Variants in SRGAP2 observed in about 807,000 individuals in gnomAD.
The protein encoded by SRGAP2 is SLIT-ROBO Rho GTPase-activating protein 2.
A neutral mutation model predicts 57.2 loss-of-function variants in SRGAP2; 15 were observed. The ratio of observed to expected loss-of-function variants is 0.26; its 90% CI spans 0.18 to 0.40. The LOEUF (loss-of-function observed/expected upper bound fraction) is 0.40, where lower values mean the gene tolerates loss of function less well. Among genes scored for constraint, SRGAP2 ranks in the 10% least tolerant of loss-of-function variants. The pLI is 1.00. For missense variants in SRGAP2, 520 were observed against 669.6 expected, an observed-to-expected ratio of 0.78 and a Z score of 2.47; for synonymous variants, 249 against 248.0, an observed-to-expected ratio of 1.00 and a Z score of -0.04.
At chr1:206,371,750 A>G (rs1558357515) in intron 4 of SRGAP2, among the ~76,000 whole-genome samples, 5 of 87,906 alleles carry the variant, frequency 5.7e-5, no homozygotes, top group African/African-American at 8.6e-5. Flanking sequence ...AAAGAAAAAA[A>G]ATATAGATCT....
chr1:206,430,054 C>T (rs923583800), intron 13 of SRGAP2, 108 bp from the exon 14 acceptor site: 35 of 718,204 alleles, frequency 4.9e-5, no homozygotes, highest in South Asian at 4.5e-4. Context: ...CTTTGTAGAC[C>T]GGCTGGTGAT....
intron 4 of SRGAP2, among the ~76,000 whole-genome samples, chr1:206,360,692 C>G (rs1403210223): frequency 6.6e-6 from 1 of 152,160 alleles, no homozygotes; most frequent in Non-Finnish European, 1.5e-5. Flanking sequence ...GCATTCTGGC[C>G]TGAACAATTC....
chr1:206,319,303 C>G (rs1178770864), intron 3 of SRGAP2, among the ~76,000 whole-genome samples: 1 of 148,386 alleles, frequency 6.7e-6, no homozygotes, highest in Non-Finnish European at 1.5e-5. Flanking sequence ...CCCACCTACT[C>G]AGGAGGCTGA....
chr1:206,222,767 A>G lies in SRGAP2; in HGVS notation c.67+16730A>G, dbSNP rs566653929. Among the ~76,000 whole-genome samples, 9 of 152,252 alleles carry G rather than the reference A, an allele frequency of 5.9e-5. No homozygotes were observed. In the South Asian group the frequency reaches 1.2e-3, roughly 21 times the overall value. ...GCATCTTACTCGGGAAGATATATGT[A>G]TATTTCTCTCCCTTTGGACTGATCA... On this transcript the variant is annotated intron_variant, in intron 2 of 22. Coordinates refer to ENST00000573034, the MANE Select transcript of SRGAP2 (RefSeq NM_015326.5).
intron 2 of SRGAP2, among the ~76,000 whole-genome samples, chr1:206,252,339 G>A (rs1260304506): frequency 2.0e-5 from 3 of 152,016 alleles, no homozygotes; most frequent in Non-Finnish European, 2.9e-5. Flanking sequence ...AAAGATATTA[G>A]CGCAGCTTTA....
At chr1:206,275,776 C>G (rs1670375645) in intron 2 of SRGAP2, among the ~76,000 whole-genome samples, 1 of 151,840 alleles carries the variant, frequency 6.6e-6, no homozygotes, top group Admixed American at 6.6e-5. Flanking sequence ...ATCGCCATGC[C>G]CAGCTAATTT....
At chr1:206,385,189 T>C (rs1481775080) in intron 5 of SRGAP2, among the ~76,000 whole-genome samples, 2 of 107,694 alleles carry the variant, frequency 1.9e-5, no homozygotes, top group Non-Finnish European at 3.5e-5. Flanking sequence ...TTTGAATTTC[T>C]ACTCTGTGAC....
intron 3 of SRGAP2, among the ~76,000 whole-genome samples, chr1:206,309,123 A>G (rs1183746817): frequency 6.9e-6 from 1 of 144,050 alleles, no homozygotes; most frequent in African/African-American, 2.7e-5. Flanking sequence ...CTATGACTGC[A>G]CCGCTGCACA....
At chr1:206,425,105 T>G (rs1279619499) in intron 13 of SRGAP2, among the ~76,000 whole-genome samples, 3 of 152,210 alleles carry the variant, frequency 2.0e-5, no homozygotes, top group Non-Finnish European at 2.9e-5. Flanking sequence ...CTCACACAAT[T>G]TGTTGAAGCC....
At chr1:206,416,465 T>C (rs1207824336) in intron 11 of SRGAP2, among the ~76,000 whole-genome samples, 4 of 152,216 alleles carry the variant, frequency 2.6e-5, no homozygotes, top group Non-Finnish European at 5.9e-5. Context: ...AGTTTCCTTC[T>C]GCTTTGAAAG....
intron 4 of SRGAP2, among the ~76,000 whole-genome samples, chr1:206,352,988 T>G (rs1336110497): frequency 1.3e-5 from 2 of 151,988 alleles, no homozygotes; most frequent in African/African-American, 4.8e-5. Flanking sequence ...TGCCCAGCCC[T>G]TCTTTATTTG....
At chr1:206,213,773 G>T (rs1666461167) in intron 2 of SRGAP2, among the ~76,000 whole-genome samples, 1 of 152,096 alleles carries the variant, frequency 6.6e-6, no homozygotes, top group African/African-American at 2.4e-5. Flanking sequence ...ACAAAAATTA[G>T]CTGGGCGTGG....
intron 21 of SRGAP2, 61 bp from the exon 22 acceptor site, chr1:206,458,562 T>A (rs1458828317): frequency 4.5e-6 from 3 of 671,506 alleles, no homozygotes; most frequent in Non-Finnish European, 8.3e-6. Flanking sequence ...CTCCCACTTA[T>A]CCTAGCTTCC....
chr1:206,342,696 G>C (rs1450099136), intron 3 of SRGAP2, 150 bp from the exon 4 acceptor site: 3 of 557,702 alleles, frequency 5.4e-6, no homozygotes, highest in Non-Finnish European at 6.5e-6. Context: ...TTTTAGAAAA[G>C]GAGAAAACTA....
At chr1:206,418,886 CTCTGTGTGTGTGTG>C (rs1303980633) in intron 11 of SRGAP2, among the ~76,000 whole-genome samples, 2 of 107,398 alleles carry the variant, frequency 1.9e-5, no homozygotes, top group African/African-American at 9.4e-5. Context: ...CTCCAACTCT[CTCTGTGTGTGTGTG>C]TGTGTGTGTG....
At chr1:206,310,545 C>T (rs1317257183) in intron 3 of SRGAP2, among the ~76,000 whole-genome samples, 1 of 152,196 alleles carries the variant, frequency 6.6e-6, no homozygotes, top group East Asian at 1.9e-4. Flanking sequence ...AAAGAGTCCA[C>T]GTAGCTGATG....
chr1:206,253,745 C>G (rs1351230502), intron 2 of SRGAP2, among the ~76,000 whole-genome samples: 1 of 150,708 alleles, frequency 6.6e-6, no homozygotes, highest in Non-Finnish European at 1.5e-5. Context: ...CCAGGCCCGG[C>G]TAATTTTTTT....
intron 4 of SRGAP2, among the ~76,000 whole-genome samples, chr1:206,370,391 G>A (rs1654423320): frequency 6.6e-6 from 1 of 152,198 alleles, no homozygotes; most frequent in South Asian, 2.1e-4. Flanking sequence ...AATGTGTCAT[G>A]TCCATACAAT....
intron 3 of SRGAP2, among the ~76,000 whole-genome samples, chr1:206,306,125 G>T: frequency 6.6e-6 from 1 of 152,110 alleles, no homozygotes; most frequent in East Asian, 1.9e-4. Context: ...TTAAGGTTCA[G>T]ATGTGTTAAT....
Sources: gnomAD v4.1 joint callset for allele counts (sites outside exome capture counted in the v4.1 genomes callset) on GRCh38, gnomAD v4.1.1 for gene constraint, MANE v1.5 for transcripts, NCBI Gene and HGNC (gene_info 2026-07-23, HGNC 2026-07-21) for gene names.